EPAS1: variants seen among roughly 807,000 people sequenced by gnomAD.
The protein encoded by EPAS1 is endothelial PAS domain protein 1, also known as endothelial PAS domain-containing protein 1.
Under a neutral mutation model 87.9 loss-of-function variants are expected in EPAS1, and 23 were observed. The observed-to-expected ratio is 0.26, with a 90% CI of 0.19 to 0.37. The LOEUF (loss-of-function observed/expected upper bound fraction) is 0.37, where lower values mean the gene tolerates loss of function less well. Among genes scored for constraint, EPAS1 ranks in the 10% least tolerant of loss-of-function variants. The probability of loss-of-function intolerance (pLI) is 1.00; values close to 1 mark genes in which losing one functional copy is unlikely to be tolerated. For synonymous variants in EPAS1, 508 were observed against 444.3 expected, an observed-to-expected ratio of 1.14 and a Z score of -1.80; for missense variants, 1,138 against 1,120.7, an observed-to-expected ratio of 1.02 and a Z score of -0.22.
intron 6 of EPAS1, among the ~76,000 whole-genome samples, chr2:46,365,289 G>T (rs1019645318): frequency 1.3e-5 from 2 of 152,116 alleles, no homozygotes; most frequent in Admixed American, 1.3e-4. Context: ...AACAAAGAGG[G>T]TCATACAATT....
chr2:46,351,633 A>G (rs1469819173), intron 2 of EPAS1, among the ~76,000 whole-genome samples: 1 of 152,124 alleles, frequency 6.6e-6, no homozygotes, highest in Non-Finnish European at 1.5e-5. Flanking sequence ...AGAGCCTTAG[A>G]AGGAAGGCCC....
intron 1 of EPAS1, among the ~76,000 whole-genome samples, chr2:46,340,452 T>G (rs1488578578): frequency 3.9e-5 from 6 of 152,170 alleles, no homozygotes; most frequent in Non-Finnish European, 5.9e-5. Flanking sequence ...TTCAGGGAAG[T>G]GGCAAGTGAA....
Position 46,380,312 on chromosome 2 carries a change from C to T in EPAS1, c.1640C>T (p.Pro547Leu). ...GEDFQLSPIC[P>L]EERLLAENPQ... is the part of the protein sequence containing the mutation. The stretch of plus-strand genomic sequence containing the variant: ...GACTTCCAGCTAAGCCCCATCTGCC[C>T]CGAGGAGCGGCTCTTGGCGGAGAAC... The change falls in exon 12 of 16, where the codon CCC (proline) becomes CTC (leucine). Residue 547 changes from proline to leucine, a missense_variant. Around this residue, in one of 4 missense-constraint regions of EPAS1, gnomAD observed 502 missense variants for 427.1 expected, o/e 1.18. Coordinates refer to ENST00000263734, the MANE Select transcript of EPAS1 (RefSeq NM_001430.5). The surrounding 1 kb of genome is among the most constrained non-coding windows in gnomAD (Gnocchi z 4.4). 3.7e-6 allele frequency: 6 copies of T among 1,614,122 alleles called. No homozygotes were observed. Among genetic ancestry groups the T allele is most frequent in the Non-Finnish European group, 4.2e-6 (5 of 1,180,006 alleles).
intron 2 of EPAS1, among the ~76,000 whole-genome samples, chr2:46,353,276 C>T (rs539614114): frequency 3.9e-5 from 6 of 152,300 alleles, no homozygotes; most frequent in African/African-American, 1.4e-4. Flanking sequence ...TAGCTCTCAG[C>T]ATGTGGTCCT....
intron 4 of EPAS1, among the ~76,000 whole-genome samples, chr2:46,357,655 C>A (rs1316372306): frequency 6.6e-6 from 1 of 152,202 alleles, no homozygotes; most frequent in Non-Finnish European, 1.5e-5. Flanking sequence ...AAAGGCATGG[C>A]TTGTTGGAGC....
chr2:46,331,311 G>A (rs1189688694), intron 1 of EPAS1, among the ~76,000 whole-genome samples: 3 of 152,352 alleles, frequency 2.0e-5, no homozygotes, highest in East Asian at 3.9e-4. Flanking sequence ...TGCCTGGCAT[G>A]TAGTAGACAC....
At chr2:46,309,033 C>T (rs962959589) in intron 1 of EPAS1, among the ~76,000 whole-genome samples, 4 of 152,194 alleles carry the variant, frequency 2.6e-5, no homozygotes, top group African/African-American at 9.7e-5. Flanking sequence ...GTCATTTTTT[C>T]CTGTTCTTTT....
intron 15 of EPAS1, 65 bp from the exon 16 acceptor site, chr2:46,384,444 G>A: frequency 1.9e-6 from 3 of 1,609,404 alleles, no homozygotes; most frequent in Non-Finnish European, 2.6e-6. Context: ...CAGTCACAAA[G>A]AAGTAGACAC....
chr2:46,374,436 A>G (rs1021587757), intron 7 of EPAS1, among the ~76,000 whole-genome samples: 1 of 152,216 alleles, frequency 6.6e-6, no homozygotes, highest in East Asian at 1.9e-4. Context: ...CAGTTGGTCA[A>G]CACTTATGTA....
At chr2:46,342,989 G>GA (rs112434148) in intron 1 of EPAS1, among the ~76,000 whole-genome samples, 5 of 151,446 alleles carry the variant, frequency 3.3e-5, no homozygotes, top group Admixed American at 2.0e-4. Context: ...TGTCCAGGGG[G>GA]AAAAAAAACA....
chr2:46,354,993 A>C (rs1337011126), intron 2 of EPAS1, among the ~76,000 whole-genome samples: 2 of 151,894 alleles, frequency 1.3e-5, no homozygotes, highest in African/African-American at 4.8e-5. Context: ...GACTCTTCAA[A>C]TCTTCTTTGC....
rs1169287303 is a variant in EPAS1 at position 46,377,900 on chromosome 2, A to G, written c.1256A>G (p.Gln419Arg). The stretch of plus-strand genomic sequence containing the variant: ...CAGGCCCTTGTCTCCACAGGGAATC[A>G]GAACTTCGAGGAGTCCTCAGCCTAT... ...DAIISLDFGN[Q>R]NFEESSAYGK... Residue 419 changes from glutamine to arginine, a missense_variant, in exon 10 of 16, where the codon CAG becomes CGG. This residue lies in a region of EPAS1 where 284 missense variants were observed against 258.4 expected (regional missense o/e 1.10). Transcript: ENST00000263734. 1.3e-6 allele frequency: 2 copies of G among 1,552,412 alleles called. No individual in the cohort carries two copies. The highest frequency in any genetic ancestry group is 2.4e-5 in the East Asian group (1 of 40,968).
intron 1 of EPAS1, 127 bp downstream of exon 1, chr2:46,298,064 G>A: frequency 8.2e-7 from 1 of 1,221,290 alleles, no homozygotes; most frequent in Non-Finnish European, 1.2e-6. Context: ...GGCTCGGTTT[G>A]GAGGGCTGTG....
intron 6 of EPAS1, among the ~76,000 whole-genome samples, chr2:46,363,300 G>A (rs774370678): frequency 2.0e-5 from 3 of 152,124 alleles, no homozygotes; most frequent in Non-Finnish European, 4.4e-5. Context: ...AGTCAGATAC[G>A]TGCTTCACCC....
chr2:46,351,881 A>G (rs1237039704), intron 2 of EPAS1, among the ~76,000 whole-genome samples: 5 of 152,110 alleles, frequency 3.3e-5, no homozygotes, highest in Non-Finnish European at 7.4e-5. Context: ...CTCTCTCCCA[A>G]TGCACAGCCC....
chr2:46,322,273 A>G (rs949035057), intron 1 of EPAS1, among the ~76,000 whole-genome samples: 11 of 152,224 alleles, frequency 7.2e-5, no homozygotes, highest in Non-Finnish European at 1.0e-4. Context: ...TATTTTTACA[A>G]GAAAAAGAAG....
chr2:46,378,523 C>G (rs1684808362), intron 10 of EPAS1, 134 bp from the exon 11 acceptor site: 1 of 755,958 alleles, frequency 1.3e-6, no homozygotes, highest in Non-Finnish European at 2.3e-6. Flanking sequence ...AATTAGCAGC[C>G]CCTCTACAAA....
At chr2:46,340,137 G>A (rs4953353) in intron 1 of EPAS1, among the ~76,000 whole-genome samples, 1 of 152,026 alleles carries the variant, frequency 6.6e-6, no homozygotes, top group Non-Finnish European at 1.5e-5. Flanking sequence ...CTCCGGTTAC[G>A]TAAGGAGCTG....
intron 1 of EPAS1, among the ~76,000 whole-genome samples, chr2:46,319,759 T>C (rs540657388): frequency 4.6e-5 from 7 of 152,354 alleles, no homozygotes; most frequent in Non-Finnish European, 1.0e-4. Context: ...AGTTGAATGT[T>C]TGATTTAATC....
Sources: allele counts gnomAD v4.1 joint callset (sites outside exome capture counted in the v4.1 genomes callset), GRCh38; gene constraint gnomAD v4.1.1; regional missense constraint gnomAD v4.1.1; non-coding constraint Gnocchi (gnomAD v3.1); transcripts MANE v1.5; gene names NCBI Gene and HGNC (gene_info 2026-07-23, HGNC 2026-07-21).